HTR2C: variants seen among roughly 807,000 people sequenced by gnomAD.
HTR2C encodes the protein 5-hydroxytryptamine (serotonin) receptor 2C, G protein-coupled.
HTR2C carries 5 observed loss-of-function variants against 21.0 expected under a neutral mutation model. The ratio of observed to expected loss-of-function variants is 0.24; its 90% CI spans 0.12 to 0.50. HTR2C has a LOEUF of 0.50. HTR2C is among the 20% of genes least tolerant of loss of function. HTR2C has a pLI of 0.98. For synonymous variants in HTR2C, 150 were observed against 145.3 expected (o/e 1.03, Z -0.23); for missense variants, 271 against 371.2 (o/e 0.73, Z 2.22).
At chrX:114,668,135 T>C in intron 2 of HTR2C, among the ~76,000 whole-genome samples, 2 of 111,474 alleles carry the variant, frequency 1.8e-5, no homozygotes, top group Non-Finnish European at 3.8e-5. Context: ...AAAATGGAAG[T>C]GTTTGGGTAT....
At chrX:114,631,569 A>G (rs1457996866) in intron 2 of HTR2C, among the ~76,000 whole-genome samples, 1 of 111,720 alleles carries the variant, frequency 9.0e-6, no homozygotes, top group Non-Finnish European at 1.9e-5. Context: ...TTAGTAAGAC[A>G]GAGAGATAAG....
At chrX:114,806,247 TATATATACACCAC>T (rs1259524100) in intron 4 of HTR2C, among the ~76,000 whole-genome samples, 6 of 95,528 alleles carry the variant, frequency 6.3e-5, no homozygotes, top group Non-Finnish European at 1.0e-4. Context: ...ATATATACCA[TATATATACACCAC>T]ATATATACAC....
intron 2 of HTR2C, among the ~76,000 whole-genome samples, chrX:114,706,747 AG>A (rs1335548528): frequency 7.3e-5 from 8 of 110,259 alleles, no homozygotes; most frequent in Non-Finnish European, 1.1e-4. Flanking sequence ...GAATGAAAAA[AG>A]TATGGTCTAT....
At chrX:114,751,021 G>T (rs1033943618) in intron 4 of HTR2C, among the ~76,000 whole-genome samples, 1 of 111,855 alleles carries the variant, frequency 8.9e-6, no homozygotes, top group Admixed American at 9.5e-5. Context: ...TGAAGAGCAA[G>T]GTTTCATTAG....
chrX:114,609,206 T>A (rs1928612958), intron 1 of HTR2C, among the ~76,000 whole-genome samples: 1 of 110,949 alleles, frequency 9.0e-6, no homozygotes, highest in African/African-American at 3.3e-5. Flanking sequence ...CTACATAAAA[T>A]CTGATTTTTT....
intron 5 of HTR2C, among the ~76,000 whole-genome samples, chrX:114,893,291 A>T (rs1238325347): frequency 9.0e-6 from 1 of 111,464 alleles, no homozygotes; most frequent in Non-Finnish European, 1.9e-5. Context: ...AGGAGCATTT[A>T]TCTGATCTCA....
intron 4 of HTR2C, among the ~76,000 whole-genome samples, chrX:114,819,386 A>T (rs1556455555): frequency 8.9e-6 from 1 of 112,128 alleles, no homozygotes; most frequent in African/African-American, 3.2e-5. Flanking sequence ...AAAGGGTTAC[A>T]GCATTTGGAA....
rs999949307 is a variant in HTR2C at position 114,644,620 on chromosome X, G to T, written c.-80+30739G>T. Among the ~76,000 whole-genome samples, 3 of 105,538 alleles carry T rather than the reference G, an allele frequency of 2.8e-5. No individual in the cohort carries two copies. The East Asian group carries it at 8.9e-4, about 31-fold the overall frequency. The allele number at this position is 105,538 out of a possible 115,157, so 91.6% of individuals were successfully genotyped here. ...TGGTCTTACCTCTTTATGGTTTATC[G>T]AGTTGGCATATCACCTACTTATGGG... is the stretch of plus-strand genomic sequence containing the variant. On this transcript the variant is annotated intron_variant, in intron 2 of 5. Transcript: ENST00000276198.
chrX:114,787,816 A>G (rs782122604), intron 4 of HTR2C, among the ~76,000 whole-genome samples: 127 of 109,361 alleles, frequency 1.2e-3, no homozygotes, highest in Non-Finnish European at 3.4e-4. Context: ...GCGTGGTGGC[A>G]GGCGCCTGTA....
chrX:114,755,432 C>T (rs1325089160), intron 4 of HTR2C, among the ~76,000 whole-genome samples: 1 of 110,772 alleles, frequency 9.0e-6, no homozygotes, highest in Non-Finnish European at 1.9e-5. Flanking sequence ...GGCTTATGGC[C>T]ACATCACTCC....
At chrX:114,749,446 C>A (rs2069737449) in intron 4 of HTR2C, among the ~76,000 whole-genome samples, 1 of 70,968 alleles carries the variant, frequency 1.4e-5, no homozygotes. Context: ...AGAGCAAGTC[C>A]ATGTCTCAAA....
chrX:114,820,817 A>C (rs782298021), intron 4 of HTR2C, among the ~76,000 whole-genome samples: 2 of 110,387 alleles, frequency 1.8e-5, no homozygotes, highest in Admixed American at 1.9e-4. Flanking sequence ...TTTACTTCCC[A>C]GTCTCGGGTA....
chrX:114,813,008 A>G (rs1395595648), intron 4 of HTR2C, among the ~76,000 whole-genome samples: 3 of 111,767 alleles, frequency 2.7e-5, no homozygotes, highest in East Asian at 5.6e-4. Context: ...AATATAACAT[A>G]GACTTATGAA....
chrX:114,750,066 GT>G (rs1297429527), intron 4 of HTR2C, among the ~76,000 whole-genome samples: 1 of 111,628 alleles, frequency 9.0e-6, no homozygotes, highest in Non-Finnish European at 1.9e-5. Flanking sequence ...CGATTGGCAT[GT>G]TTTTGTCTGA....
chrX:114,851,928 T>C (rs146183235), intron 5 of HTR2C, among the ~76,000 whole-genome samples: 2,662 of 111,104 alleles, frequency 0.024, 94 homozygotes, highest in African/African-American at 0.084. Context: ...ACAGGACTCT[T>C]GCTACTTTCC....
chrX:114,719,454 G>C (rs1400603964), intron 2 of HTR2C, among the ~76,000 whole-genome samples: 2 of 110,917 alleles, frequency 1.8e-5, no homozygotes, highest in Non-Finnish European at 3.8e-5. Context: ...CTGGCCATTT[G>C]GGGAAACATG....
At chrX:114,822,396 A>C (rs1413933378) in intron 4 of HTR2C, among the ~76,000 whole-genome samples, 1 of 112,112 alleles carries the variant, frequency 8.9e-6, no homozygotes, top group African/African-American at 3.2e-5. Flanking sequence ...GAGAGGATAG[A>C]GTCACATAGT....
chrX:114,636,138 A>G (rs1014902495), intron 2 of HTR2C, among the ~76,000 whole-genome samples: 3 of 105,376 alleles, frequency 2.8e-5, no homozygotes. Flanking sequence ...TCCCCGATCT[A>G]AAGAATCTTG....
chrX:114,647,779 T>C (rs1221367464), intron 2 of HTR2C, among the ~76,000 whole-genome samples: 5 of 112,035 alleles, frequency 4.5e-5, no homozygotes, highest in African/African-American at 1.6e-4. Context: ...AGCAGGACTC[T>C]GTGTAATGAC....
Sources: allele counts gnomAD v4.1 joint callset (sites outside exome capture counted in the v4.1 genomes callset), GRCh38; gene constraint gnomAD v4.1.1; transcripts MANE v1.5; gene names NCBI Gene and HGNC (gene_info 2026-07-23, HGNC 2026-07-21).